GRIN2B: variants seen among roughly 807,000 people sequenced by gnomAD.
GRIN2B encodes glutamate ionotropic receptor NMDA type subunit 2B, also known as glutamate receptor ionotropic, NMDA 2B.
In GRIN2B, 5 loss-of-function variants were observed where a neutral mutation model predicts 114.5. The ratio of observed to expected loss-of-function variants is 0.04; its 90% CI spans 0.02 to 0.09. GRIN2B has a LOEUF of 0.09. Ranked by LOEUF, GRIN2B falls within the 10% of genes least tolerant of loss-of-function variation. GRIN2B has a pLI of 1.00. For synonymous variants in GRIN2B, 787 were observed against 745.1 expected (o/e 1.06, Z -0.92); for missense variants, 1,108 against 1,943.5 (o/e 0.57, Z 8.08).
chr12:13,706,166 T>G (rs963426927), intron 4 of GRIN2B, among the ~76,000 whole-genome samples: 1 of 151,746 alleles, frequency 6.6e-6, no homozygotes, highest in African/African-American at 2.4e-5. Context: ...CTCCACCTAT[T>G]TGATTTGATG....
intron 10 of GRIN2B, among the ~76,000 whole-genome samples, chr12:13,605,584 C>CACACAA (rs3081919): frequency 6.7e-6 from 1 of 149,254 alleles, no homozygotes; most frequent in Non-Finnish European, 1.5e-5. Context: ...CACACACACA[C>CACACAA]CTGTCTTCAT....
At chr12:13,623,398 T>C (rs920949488) in intron 5 of GRIN2B, among the ~76,000 whole-genome samples, 4 of 152,214 alleles carry the variant, frequency 2.6e-5, no homozygotes, top group Non-Finnish European at 5.9e-5. Flanking sequence ...TTTGCAACAA[T>C]TGAAATTCCT....
At chr12:13,770,868 G>A (rs1165475352) in intron 3 of GRIN2B, among the ~76,000 whole-genome samples, 2 of 152,176 alleles carry the variant, frequency 1.3e-5, no homozygotes, top group African/African-American at 4.8e-5. Context: ...ACAAGAACCA[G>A]GGGCACCAGC....
chr12:13,544,883 G>C lies in GRIN2B; in HGVS notation c.*17900C>G, dbSNP rs11055517. The C allele has an allele frequency of 0.8, 121,789 of 152,264 alleles. 51,204 individuals carry two copies. Among genetic ancestry groups the C allele is most frequent in the East Asian group, 1 (5,171 of 5,174 alleles). 9.4% of individuals were successfully genotyped at this position (152,264 alleles called of 1,614,324 possible). Reference sequence around the variant, plus strand: ...GCCGCTTCCATTGTCTGCCCTCTCAGGGTATACTCTCAACACAGCAGTCCC... The same window carrying C: ...GCCGCTTCCATTGTCTGCCCTCTCACGGTATACTCTCAACACAGCAGTCCC... On this transcript the variant is annotated 3_prime_UTR_variant, in exon 14 of 14. Transcript: ENST00000609686.
chr12:13,782,790 C>A (rs996143931), intron 3 of GRIN2B, among the ~76,000 whole-genome samples: 2 of 152,218 alleles, frequency 1.3e-5, no homozygotes, highest in Non-Finnish European at 2.9e-5. Context: ...CATCACACTC[C>A]TTGCCTCATC....
chr12:13,755,316 C>T (rs1490603102), intron 3 of GRIN2B, among the ~76,000 whole-genome samples: 1 of 152,200 alleles, frequency 6.6e-6, no homozygotes, highest in Non-Finnish European at 1.5e-5. Flanking sequence ...CAGCTGGTAT[C>T]CAAAAATCCT....
chr12:13,827,599 T>C (rs1393933005), intron 3 of GRIN2B, among the ~76,000 whole-genome samples: 2 of 151,654 alleles, frequency 1.3e-5, no homozygotes, highest in Non-Finnish European at 2.9e-5. Context: ...TTCCACTGAG[T>C]CATTTAAAAG....
chr12:13,735,827 C>A (rs1043704478), intron 4 of GRIN2B, among the ~76,000 whole-genome samples: 1 of 152,022 alleles, frequency 6.6e-6, no homozygotes, highest in African/African-American at 2.4e-5. Flanking sequence ...ATGACTGATA[C>A]GACAGCTGGG....
intron 8 of GRIN2B, among the ~76,000 whole-genome samples, chr12:13,614,430 T>G (rs952616013): frequency 1.3e-5 from 2 of 152,246 alleles, no homozygotes; most frequent in Admixed American, 6.5e-5. Context: ...CCTCATTCCA[T>G]GGCCCCTGCA....
intron 2 of GRIN2B, among the ~76,000 whole-genome samples, chr12:13,902,546 C>T (rs547731647): frequency 1.9e-4 from 29 of 152,238 alleles, no homozygotes; most frequent in African/African-American, 6.7e-4. Context: ...CATGGTGGCT[C>T]ATGCCGATAA....
chr12:13,867,049 C>T (rs1865839611), intron 2 of GRIN2B, among the ~76,000 whole-genome samples: 1 of 150,370 alleles, frequency 6.7e-6, no homozygotes, highest in African/African-American at 2.4e-5. Context: ...GGAACTGCCT[C>T]TCATATAACC....
At chr12:13,898,492 G>A (rs1384694262) in intron 2 of GRIN2B, among the ~76,000 whole-genome samples, 1 of 152,250 alleles carries the variant, frequency 6.6e-6, no homozygotes, top group Admixed American at 6.5e-5. Context: ...AGTTGACATT[G>A]TATGACCACT....
rs763162344 is a variant in GRIN2B, at chr12:13,866,167, C to A, written c.42G>T (p.Leu14Phe). ...RAECCSPKFW[L>F]VLAVLAVSGS... ...CTGACACGGCCAGGACGGCCAACAC[C>A]AACCAGAACTTGGGAGAACAGCACT... is the stretch of plus-strand genomic sequence containing the variant. Residue 14 changes from leucine to phenylalanine, a missense_variant, in exon 3 of 14, where the codon TTG becomes TTT. By Grantham distance (22) the Leu-to-Phe change is conservative. Transcript: ENST00000609686. The A allele has an allele frequency of 1.9e-6, 3 of 1,612,542 alleles. No individual in the cohort carries two copies. The highest frequency in any genetic ancestry group is 1.7e-6 in the Non-Finnish European group (2 of 1,179,984).
chr12:13,827,622 TTTC>T (rs1010296947), intron 3 of GRIN2B, among the ~76,000 whole-genome samples: 1 of 151,094 alleles, frequency 6.6e-6, no homozygotes, highest in African/African-American at 2.4e-5. Context: ...GTCTTTCATT[TTTC>T]TTCTTCATCA....
chr12:13,620,513 A>G (rs1209807607), intron 5 of GRIN2B, among the ~76,000 whole-genome samples: 1 of 152,216 alleles, frequency 6.6e-6, no homozygotes, highest in Non-Finnish European at 1.5e-5. Context: ...ACCACTGCCC[A>G]GAACCCAATC....
At chr12:13,581,558 C>T (rs774440195) in intron 10 of GRIN2B, among the ~76,000 whole-genome samples, 2 of 152,170 alleles carry the variant, frequency 1.3e-5, no homozygotes, top group Non-Finnish European at 2.9e-5. Context: ...TTCACTGTTC[C>T]ATGGCCCATA....
intron 2 of GRIN2B, among the ~76,000 whole-genome samples, chr12:13,880,474 C>T (rs1472998172): frequency 6.6e-6 from 1 of 152,126 alleles, no homozygotes; most frequent in Non-Finnish European, 1.5e-5. Flanking sequence ...GATCTCCCAT[C>T]GCTAAATCCA....
intron 3 of GRIN2B, among the ~76,000 whole-genome samples, chr12:13,782,344 T>G (rs987326498): frequency 6.6e-6 from 1 of 152,076 alleles, no homozygotes; most frequent in African/African-American, 2.4e-5. Flanking sequence ...TATATATCTC[T>G]CTTCTGCTAA....
chr12:13,842,947 CTTA>C (rs1189907981), intron 3 of GRIN2B, among the ~76,000 whole-genome samples: 1 of 92,672 alleles, frequency 1.1e-5, no homozygotes, highest in Non-Finnish European at 2.3e-5. Context: ...TTTAGAAAAT[CTTA>C]TTGTTTTCAA....
Sources: allele counts gnomAD v4.1 joint callset (sites outside exome capture counted in the v4.1 genomes callset), GRCh38; gene constraint gnomAD v4.1.1; transcripts MANE v1.5; gene names NCBI Gene and HGNC (gene_info 2026-07-23, HGNC 2026-07-21).